The following LPP variants were observed in gnomAD, a reference collection of about 807,000 sequenced individuals.
The protein encoded by LPP is LIM domain containing preferred translocation partner in lipoma, also known as lipoma-preferred partner.
A neutral mutation model predicts 60.4 loss-of-function variants in LPP; 38 were observed. That is an observed-to-expected ratio of 0.63 (90% confidence interval 0.49 to 0.83). LPP has a LOEUF of 0.83. Ranked by LOEUF, LPP falls within the 40% of genes least tolerant of loss-of-function variation. The probability of loss-of-function intolerance (pLI) is 0.00; values close to 1 mark genes in which losing one functional copy is unlikely to be tolerated. For missense variants in LPP, 902 were observed against 783.6 expected (o/e 1.15, Z -1.80); for synonymous variants, 328 against 290.8 (o/e 1.13, Z -1.30).
chr3:188,603,085 G>A (rs1841747177), intron 6 of LPP, among the ~76,000 whole-genome samples: 1 of 150,960 alleles, frequency 6.6e-6, no homozygotes, highest in African/African-American at 2.4e-5. Context: ...TTTAAAGTCA[G>A]AAGAGTAATA....
intron 2 of LPP, among the ~76,000 whole-genome samples, chr3:188,324,825 T>C (rs1348960955): frequency 1.3e-5 from 2 of 152,158 alleles, no homozygotes; most frequent in Admixed American, 1.3e-4. Flanking sequence ...CCCTGACTTA[T>C]GATGGTTTGA....
At chr3:188,384,391 A>G (rs1777670285) in intron 3 of LPP, among the ~76,000 whole-genome samples, 1 of 151,712 alleles carries the variant, frequency 6.6e-6, no homozygotes, top group Non-Finnish European at 1.5e-5. Context: ...CCATATATAT[A>G]TGGCTTATAA....
intron 2 of LPP, among the ~76,000 whole-genome samples, chr3:188,332,291 C>G (rs1315758554): frequency 6.6e-6 from 1 of 152,176 alleles, no homozygotes; most frequent in Non-Finnish European, 1.5e-5. Context: ...GTGACTTCAT[C>G]CTGCCAATGG....
At chr3:188,153,146 A>T (rs907217441), upstream of LPP, 1 of 152,244 alleles carries the variant, frequency 6.6e-6, no homozygotes, top group Non-Finnish European at 1.5e-5. Context: ...TGGTCCGCAC[A>T]GCTCGCGGGC....
chr3:188,307,292 C>T (rs1005533526), intron 2 of LPP, among the ~76,000 whole-genome samples: 55 of 152,300 alleles, frequency 3.6e-4, no homozygotes, highest in African/African-American at 1.3e-3. Flanking sequence ...CAGTGGATCT[C>T]AGTCCTGGTG....
intron 2 of LPP, among the ~76,000 whole-genome samples, chr3:188,261,784 C>G (rs1453991410): frequency 6.6e-6 from 1 of 151,666 alleles, no homozygotes; most frequent in Non-Finnish European, 1.5e-5. Context: ...TGTGGTGGCA[C>G]ATATCTGTAG....
intron 9 of LPP, among the ~76,000 whole-genome samples, chr3:188,815,927 A>G (rs1752345862): frequency 1.3e-5 from 2 of 152,204 alleles, no homozygotes; most frequent in African/African-American, 4.8e-5. Context: ...TCAACAAATC[A>G]CTTATTTCAC....
intron 5 of LPP, among the ~76,000 whole-genome samples, chr3:188,519,667 G>A (rs1286348991): frequency 1.3e-5 from 2 of 152,040 alleles, no homozygotes; most frequent in East Asian, 1.9e-4. Flanking sequence ...GGGGGATGTC[G>A]GGGGGTGGTT....
chr3:188,481,019 A>G (rs1804628371), intron 4 of LPP, among the ~76,000 whole-genome samples: 1 of 152,200 alleles, frequency 6.6e-6, no homozygotes, highest in African/African-American at 2.4e-5. Context: ...TAAACATGAT[A>G]ATTCTGCCTT....
chr3:188,627,634 A>C (rs1361641505), intron 7 of LPP, among the ~76,000 whole-genome samples: 2 of 152,308 alleles, frequency 1.3e-5, no homozygotes, highest in East Asian at 3.9e-4. Context: ...GGGAGCACCC[A>C]GATTTATAAA....
intron 8 of LPP, among the ~76,000 whole-genome samples, chr3:188,720,453 C>T (rs1233563562): frequency 1.3e-5 from 2 of 152,016 alleles, no homozygotes; most frequent in Non-Finnish European, 2.9e-5. Context: ...GTACTTGTGC[C>T]ATATAAAATG....
intron 6 of LPP, among the ~76,000 whole-genome samples, chr3:188,529,033 C>T (rs1821439627): frequency 6.6e-6 from 1 of 152,088 alleles, no homozygotes; most frequent in African/African-American, 2.4e-5. Context: ...AAAGGATGAT[C>T]CATTCTAATT....
intron 7 of LPP, among the ~76,000 whole-genome samples, chr3:188,646,029 C>A (rs1851049036): frequency 6.6e-6 from 1 of 152,042 alleles, no homozygotes; most frequent in Admixed American, 6.6e-5. Flanking sequence ...TAAATGAAAT[C>A]ATGTCTAAGA....
intron 7 of LPP, among the ~76,000 whole-genome samples, chr3:188,616,897 A>G (rs1170954744): frequency 6.6e-6 from 1 of 152,196 alleles, no homozygotes; most frequent in Non-Finnish European, 1.5e-5. Context: ...TTATTAGCAT[A>G]TAGAAATAGC....
chr3:188,508,745 A>G (rs1256885618), intron 5 of LPP, among the ~76,000 whole-genome samples: 1 of 152,248 alleles, frequency 6.6e-6, no homozygotes, highest in African/African-American at 2.4e-5. Flanking sequence ...GAATGAGAGA[A>G]AAGTATTTTC....
chr3:188,495,078 A>ATTTTT (rs1172494426), intron 5 of LPP, among the ~76,000 whole-genome samples: 2 of 100,664 alleles, frequency 2.0e-5, no homozygotes, highest in African/African-American at 1.2e-4. Flanking sequence ...ATATATATAT[A>ATTTTT]TATATTTTAT....
At chr3:188,469,918 C>T (rs1801393276) in intron 4 of LPP, among the ~76,000 whole-genome samples, 1 of 151,986 alleles carries the variant, frequency 6.6e-6, no homozygotes, top group African/African-American at 2.4e-5. Flanking sequence ...TATGGTATTT[C>T]TAAATTCAGT....
intron 6 of LPP, among the ~76,000 whole-genome samples, chr3:188,590,544 A>G (rs1179736909): frequency 1.3e-5 from 2 of 152,200 alleles, no homozygotes; most frequent in Non-Finnish European, 2.9e-5. Flanking sequence ...ACTGCAATCC[A>G]TCCTAGACAA....
At chr3:188,158,277 A>C (rs1717130214) in intron 1 of LPP, among the ~76,000 whole-genome samples, 1 of 152,136 alleles carries the variant, frequency 6.6e-6, no homozygotes, top group African/African-American at 2.4e-5. Flanking sequence ...GAAGAAACTT[A>C]GTAGAGTGAG....
Sources: allele counts gnomAD v4.1 joint callset (sites outside exome capture counted in the v4.1 genomes callset), GRCh38; gene constraint gnomAD v4.1.1; transcripts MANE v1.5; gene names NCBI Gene and HGNC (gene_info 2026-07-23, HGNC 2026-07-21).